Variants in SPPL2A observed in about 807,000 individuals in gnomAD.
The protein encoded by SPPL2A is signal peptide peptidase-like 2A.
In SPPL2A, 51 loss-of-function variants were observed where a neutral mutation model predicts 63.8. The ratio of observed to expected loss-of-function variants is 0.80; its 90% CI spans 0.64 to 1.01. The LOEUF (loss-of-function observed/expected upper bound fraction) is 1.01, where lower values mean the gene tolerates loss of function less well. Among genes scored for constraint, SPPL2A ranks in the 50% least tolerant of loss-of-function variants. The probability of loss-of-function intolerance (pLI) is 0.00; values close to 1 mark genes in which losing one functional copy is unlikely to be tolerated. For synonymous variants in SPPL2A, 188 were observed against 205.8 expected (o/e 0.91, Z 0.74); for missense variants, 553 against 622.7 (o/e 0.89, Z 1.19).
intron 12 of SPPL2A, 43 bp from the exon 13 acceptor site, chr15:50,722,244 G>T: frequency 9.1e-7 from 1 of 1,094,772 alleles, no homozygotes; most frequent in Non-Finnish European, 1.4e-6. Flanking sequence ...AACAATAACA[G>T]CAATGCAAAT....
At chr15:50,725,968 C>T (rs1032707648) in intron 11 of SPPL2A, 16 of 601,582 alleles carry the variant, frequency 2.7e-5, no homozygotes, top group Admixed American at 1.0e-4. Context: ...CAGAACAGGC[C>T]TAATTTTTTT....
chr15:50,730,500 G>A (rs2062721842), intron 10 of SPPL2A, among the ~76,000 whole-genome samples: 1 of 152,044 alleles, frequency 6.6e-6, no homozygotes, highest in Admixed American at 6.6e-5. Flanking sequence ...GGAGGTGGAA[G>A]ATGAATAGCT....
chr15:50,717,281 C>A (rs1567150239), intron 14 of SPPL2A, among the ~76,000 whole-genome samples: 1 of 152,054 alleles, frequency 6.6e-6, no homozygotes, highest in East Asian at 1.9e-4. Context: ...CTCAAGCAAT[C>A]CTCCCACCTC....
At chr15:50,762,062 A>G (rs114349696) in intron 1 of SPPL2A, among the ~76,000 whole-genome samples, 3,931 of 152,160 alleles carry the variant, frequency 0.026, 98 homozygotes, top group African/African-American at 0.062. Context: ...CTGGGGAAGG[A>G]GAGGTGCAAA....
At chr15:50,763,348 C>A (rs1226523831) in intron 1 of SPPL2A, among the ~76,000 whole-genome samples, 1 of 152,052 alleles carries the variant, frequency 6.6e-6, no homozygotes, top group Non-Finnish European at 1.5e-5. Context: ...AAGAAGAAAA[C>A]AAATCCATAA....
rs183426108 is a variant in SPPL2A, at chr15:50,740,897, C to G, written c.585-1069G>C. On this transcript the variant is annotated intron_variant, in intron 5 of 14. Transcript: ENST00000261854. ...TGCTGGGATTACAGGTGTGAGCCAC[C>G]GCACCCAGCCGCTTCTCTTAAATGT... is the stretch of plus-strand genomic sequence containing the variant. 2.8e-3 allele frequency among the ~76,000 whole-genome samples: 427 copies of G among 152,244 alleles called. 1 individual carries two copies. Among genetic ancestry groups the G allele is most frequent in the African/African-American group, 9.8e-3 (407 of 41,540 alleles).
chr15:50,740,955 AT>A (rs1434645694), intron 5 of SPPL2A, among the ~76,000 whole-genome samples: 1 of 152,144 alleles, frequency 6.6e-6, no homozygotes, highest in Admixed American at 6.6e-5. Context: ...TCAACTTAGC[AT>A]TTACTATATG....
intron 10 of SPPL2A, 149 bp from the exon 11 acceptor site, chr15:50,726,526 T>A: frequency 1.4e-6 from 1 of 691,102 alleles, no homozygotes; most frequent in South Asian, 1.9e-5. Flanking sequence ...TCTTTGTAGA[T>A]TGCAAAAACT....
chr15:50,750,404 A>T (rs1472745823), intron 1 of SPPL2A, among the ~76,000 whole-genome samples: 1 of 152,170 alleles, frequency 6.6e-6, no homozygotes, highest in Non-Finnish European at 1.5e-5. Context: ...ATAAAACAAC[A>T]TGTACTCAAA....
In SPPL2A at chr15:50,732,586, A is replaced by T; in HGVS notation, c.1014+17T>A. 1 of 1,430,282 alleles carries T rather than the reference A, an allele frequency of 7.0e-7. No individual in the cohort carries two copies. Among genetic ancestry groups the T allele is most frequent in the Non-Finnish European group, 9.7e-7 (1 of 1,026,872 alleles). The allele number at this position is 1,430,282 out of a possible 1,614,324, so 88.6% of individuals were successfully genotyped here. On this transcript the variant is annotated intron_variant, in intron 9 of 14. Transcript: ENST00000261854. ...AAAAATTTATTTTAACTAGCAAAGTAGTATTGTATACATTACCTTGAAGTT... is the reference window on the plus strand; with the variant it reads ...AAAAATTTATTTTAACTAGCAAAGTTGTATTGTATACATTACCTTGAAGTT...
intron 12 of SPPL2A, 90 bp from the exon 13 acceptor site, chr15:50,722,291 A>C (rs2062654993): frequency 4.2e-6 from 3 of 722,580 alleles, no homozygotes; most frequent in Middle Eastern, 3.7e-4. Flanking sequence ...GTTATATTGA[A>C]TCTTCATTGT....
At chr15:50,716,558 T>C (rs1053248620) in intron 14 of SPPL2A, among the ~76,000 whole-genome samples, 3 of 152,224 alleles carry the variant, frequency 2.0e-5, no homozygotes, top group African/African-American at 7.2e-5. Flanking sequence ...ATGAATTTTT[T>C]ATAAGTAAAA....
intron 14 of SPPL2A, among the ~76,000 whole-genome samples, chr15:50,713,389 C>T (rs1229379686): frequency 6.6e-5 from 10 of 151,568 alleles, no homozygotes; most frequent in South Asian, 2.1e-4. Flanking sequence ...CTCAGCCTTC[C>T]GAGTAGCTGG....
chr15:50,709,237 T>G (rs2062537991), intron 14 of SPPL2A, among the ~76,000 whole-genome samples: 1 of 151,654 alleles, frequency 6.6e-6, no homozygotes, highest in South Asian at 2.1e-4. Context: ...TGTTAAAGAC[T>G]TTTAGACTAG....
At chr15:50,711,171 A>G (rs904134419) in intron 14 of SPPL2A, among the ~76,000 whole-genome samples, 1 of 152,124 alleles carries the variant, frequency 6.6e-6, no homozygotes, top group African/African-American at 2.4e-5. Flanking sequence ...GGGCTGTAGA[A>G]AATAATTTAC....
intron 14 of SPPL2A, among the ~76,000 whole-genome samples, chr15:50,718,551 C>T (rs1382809234): frequency 1.3e-5 from 2 of 151,980 alleles, no homozygotes; most frequent in Non-Finnish European, 2.9e-5. Flanking sequence ...TTAAAAGTTA[C>T]CTTACTAGTT....
rs758738881 is a variant in SPPL2A, at chr15:50,747,542, C to G, written c.537G>C (p.Ala179=). ...DYTMVVIFVI[A]VFTVALGGYW... is the part of the protein sequence containing the mutation. ...ATCCACCTAATGCCACAGTGAACAC[C>G]GCAATTACAAAAATAACCACCATAG... is the stretch of plus-strand genomic sequence containing the variant. Residue 179 remains alanine (A), a synonymous_variant, in exon 5 of 15, where the codon GCG becomes GCC. Coordinates refer to ENST00000261854, the MANE Select transcript of SPPL2A (RefSeq NM_032802.4). 1 of 1,611,648 alleles carries G rather than the reference C, an allele frequency of 6.2e-7. No individual in the cohort carries two copies. Among genetic ancestry groups the G allele is most frequent in the Non-Finnish European group, 8.5e-7 (1 of 1,178,328 alleles).
At chr15:50,729,712 A>T (rs2062716048) in intron 10 of SPPL2A, among the ~76,000 whole-genome samples, 1 of 152,216 alleles carries the variant, frequency 6.6e-6, no homozygotes, top group South Asian at 2.1e-4. Flanking sequence ...GGGACAGTTA[A>T]TTATATTTGT....
intron 14 of SPPL2A, among the ~76,000 whole-genome samples, chr15:50,714,720 T>G (rs1360786646): frequency 6.7e-6 from 1 of 149,766 alleles, no homozygotes; most frequent in African/African-American, 2.4e-5. Flanking sequence ...GGCAGGTGGG[T>G]TCACCTGAGG....
Sources: allele counts gnomAD v4.1 joint callset (sites outside exome capture counted in the v4.1 genomes callset), GRCh38; gene constraint gnomAD v4.1.1; transcripts MANE v1.5; gene names NCBI Gene and HGNC (gene_info 2026-07-23, HGNC 2026-07-21).